CFAP299: variants seen among roughly 807,000 people sequenced by gnomAD.
CFAP299 encodes the protein cilia- and flagella-associated protein 299.
In CFAP299, 21 loss-of-function variants were observed where a neutral mutation model predicts 27.0. The ratio of observed to expected loss-of-function variants is 0.78; its 90% CI spans 0.55 to 1.12. The LOEUF is 1.12. Ranked by LOEUF, CFAP299 falls within the 50% of genes most tolerant of loss-of-function variation. The pLI is 0.00. For synonymous variants in CFAP299, 104 were observed against 98.1 expected, an observed-to-expected ratio of 1.06 and a Z score of -0.36; for missense variants, 310 against 276.6, an observed-to-expected ratio of 1.12 and a Z score of -0.86.
chr4:80,859,193 T>C (rs1732145590), intron 3 of CFAP299, among the ~76,000 whole-genome samples: 1 of 152,190 alleles, frequency 6.6e-6, no homozygotes, highest in Admixed American at 6.5e-5. Flanking sequence ...TTGATCTTTG[T>C]TGGTTTAAAG....
chr4:80,868,919 G>C (rs1205258977), intron 3 of CFAP299, among the ~76,000 whole-genome samples: 38 of 151,110 alleles, frequency 2.5e-4, no homozygotes, highest in African/African-American at 8.0e-4. Flanking sequence ...GTGTGTGTGT[G>C]TGTGTGTGTG....
chr4:80,930,602 TG>T (rs1355180892), intron 4 of CFAP299, among the ~76,000 whole-genome samples: 3 of 152,130 alleles, frequency 2.0e-5, no homozygotes, highest in African/African-American at 7.2e-5. Flanking sequence ...TGCTGGTGTT[TG>T]GGGAAAACCT....
intron 1 of CFAP299, among the ~76,000 whole-genome samples, chr4:80,353,806 T>C (rs1305145105): frequency 6.6e-6 from 1 of 152,124 alleles, no homozygotes; most frequent in South Asian, 2.1e-4. Flanking sequence ...TACTTAAGAA[T>C]TGAGTATAAA....
intron 4 of CFAP299, among the ~76,000 whole-genome samples, chr4:80,902,254 G>C (rs1275917216): frequency 6.6e-6 from 1 of 150,528 alleles, no homozygotes; most frequent in Admixed American, 6.7e-5. Flanking sequence ...ACATCTATAT[G>C]TTAACAGCAA....
chr4:80,718,207 T>C (rs1287165855), intron 3 of CFAP299, among the ~76,000 whole-genome samples: 1 of 152,084 alleles, frequency 6.6e-6, no homozygotes, highest in Non-Finnish European at 1.5e-5. Flanking sequence ...ACACTGTACT[T>C]AAAAATATGG....
At chr4:80,843,545 T>G (rs1449050830) in intron 3 of CFAP299, among the ~76,000 whole-genome samples, 4 of 152,212 alleles carry the variant, frequency 2.6e-5, no homozygotes, top group Non-Finnish European at 5.9e-5. Flanking sequence ...AACATACGTG[T>G]GCATGTGTCT....
chr4:80,944,720 T>C (rs1737380468), intron 4 of CFAP299, 90 bp from the exon 5 acceptor site: 1 of 922,764 alleles, frequency 1.1e-6, no homozygotes, highest in South Asian at 1.7e-5. Flanking sequence ...ACTTATCTTA[T>C]GACTGAACTT....
intron 3 of CFAP299, among the ~76,000 whole-genome samples, chr4:80,659,086 A>G (rs1345955574): frequency 2.0e-5 from 3 of 152,176 alleles, no homozygotes; most frequent in African/African-American, 7.2e-5. Flanking sequence ...AATCAAACTA[A>G]GTATGGAACT....
intron 3 of CFAP299, among the ~76,000 whole-genome samples, chr4:80,767,655 C>T (rs1443228710): frequency 6.6e-6 from 1 of 152,026 alleles, no homozygotes; most frequent in Non-Finnish European, 1.5e-5. Context: ...CTATACTCAC[C>T]GATTTTCAGA....
Position 80,860,459 on chromosome 4 carries a change from G to A in CFAP299, c.334-9534G>A, listed in dbSNP as rs193150093. Among the ~76,000 whole-genome samples, 481 of 152,256 alleles carry A rather than the reference G, an allele frequency of 3.2e-3. 3 individuals are homozygous for A. The highest frequency in any genetic ancestry group is 0.011 in the African/African-American group (466 of 41,542). ...TGTTCCATTGCTGGTGAGGAACTGCGATCCTTTGGAGGAGGAGAAGTGCTC... is the reference window on the plus strand; with the variant it reads ...TGTTCCATTGCTGGTGAGGAACTGCAATCCTTTGGAGGAGGAGAAGTGCTC... On this transcript the variant is annotated intron_variant, in intron 3 of 5. Transcript: ENST00000358105.
At chr4:80,628,271 G>A (rs1739018692) in intron 3 of CFAP299, among the ~76,000 whole-genome samples, 1 of 152,008 alleles carries the variant, frequency 6.6e-6, no homozygotes, top group African/African-American at 2.4e-5. Flanking sequence ...GGGAAAACAG[G>A]ATATTCACAG....
chr4:80,863,659 C>T (rs991266379), intron 3 of CFAP299, among the ~76,000 whole-genome samples: 1 of 151,952 alleles, frequency 6.6e-6, no homozygotes, highest in Non-Finnish European at 1.5e-5. Context: ...CTAGTATTTT[C>T]TGCTTAGGTT....
chr4:80,589,872 G>T (rs901525768), intron 3 of CFAP299, among the ~76,000 whole-genome samples: 1 of 152,146 alleles, frequency 6.6e-6, no homozygotes, highest in Non-Finnish European at 1.5e-5. Context: ...CAACTTTAGA[G>T]AGCAGTTTGA....
chr4:80,663,134 A>G (rs1436093024), intron 3 of CFAP299, among the ~76,000 whole-genome samples: 1 of 151,576 alleles, frequency 6.6e-6, no homozygotes, highest in Non-Finnish European at 1.5e-5. Context: ...AAATTTTTTT[A>G]TTATTATTTC....
chr4:80,817,188 G>A (rs1729463778), intron 3 of CFAP299, among the ~76,000 whole-genome samples: 3 of 151,982 alleles, frequency 2.0e-5, no homozygotes, highest in Non-Finnish European at 4.4e-5. Flanking sequence ...ATCTCTGAAG[G>A]CCATCCCAAC....
intron 3 of CFAP299, among the ~76,000 whole-genome samples, chr4:80,825,523 G>A (rs1396684998): frequency 1.3e-5 from 2 of 151,846 alleles, no homozygotes; most frequent in African/African-American, 4.8e-5. Context: ...TCACATACAA[G>A]AGATTTTCAG....
intron 3 of CFAP299, among the ~76,000 whole-genome samples, chr4:80,614,877 C>T (rs72863168): frequency 0.079 from 12,007 of 152,116 alleles, 724 homozygotes; most frequent in East Asian, 0.26. Flanking sequence ...ATTTTAATGT[C>T]AACATACAAG....
In CFAP299 at chr4:80,447,553, T is replaced by C. The variant is rs191993112; in HGVS notation, c.242+84669T>C. 1.4e-3 allele frequency among the ~76,000 whole-genome samples: 219 copies of C among 152,168 alleles called. 1 individual carries two copies. The highest frequency in any genetic ancestry group is 0.01 in the Middle Eastern group (3 of 294). ...ATTCAAGCGGTTCTCCTGCCTCAGC[T>C]TGTAGCGGTTCCCCTGCCTCAGTCC... On this transcript the variant is annotated intron_variant, in intron 2 of 5. Coordinates refer to ENST00000358105, the MANE Select transcript of CFAP299 (RefSeq NM_152770.3).
At chr4:80,332,528 G>T (rs1721978172), upstream of CFAP299, among the ~76,000 whole-genome samples, 1 of 152,176 alleles carries the variant, frequency 6.6e-6, no homozygotes, top group African/African-American at 2.4e-5. Flanking sequence ...CACAATGGAA[G>T]AAGTAAAACG....
Sources: allele counts gnomAD v4.1 joint callset (sites outside exome capture counted in the v4.1 genomes callset), GRCh38; gene constraint gnomAD v4.1.1; transcripts MANE v1.5; gene names NCBI Gene and HGNC (gene_info 2026-07-23, HGNC 2026-07-21).